Variants in DNAH11 observed in about 807,000 individuals in gnomAD.
DNAH11 encodes axonemal beta dynein heavy chain 11.
Under a neutral mutation model 526.0 loss-of-function variants are expected in DNAH11, and 442 were observed. The observed-to-expected ratio is 0.84, with a 90% CI of 0.78 to 0.91. The LOEUF (loss-of-function observed/expected upper bound fraction) is 0.91. Ranked by LOEUF, DNAH11 falls within the 40% of genes least tolerant of loss-of-function variation. DNAH11 has a pLI of 0.00. For missense variants in DNAH11, 6,989 were observed against 5,448.7 expected (o/e 1.28, Z -8.90); for synonymous variants, 2,461 against 1,935.9 (o/e 1.27, Z -7.12).
intron 45 of DNAH11, among the ~76,000 whole-genome samples, chr7:21,726,430 A>C (rs1449654721): frequency 6.6e-6 from 1 of 151,882 alleles, no homozygotes; most frequent in Non-Finnish European, 1.5e-5. Context: ...ACCGATATTC[A>C]AGTGAAGTGT....
At chr7:21,620,395 C>G (rs1029318009) in intron 25 of DNAH11, among the ~76,000 whole-genome samples, 1 of 152,058 alleles carries the variant, frequency 6.6e-6, no homozygotes, top group Non-Finnish European at 1.5e-5. Context: ...CCCCTCCCCC[C>G]GGCTCTGGTA....
intron 34 of DNAH11, 139 bp from the exon 35 acceptor site, chr7:21,690,626 T>C (rs1027661281): frequency 1.6e-6 from 1 of 610,202 alleles, no homozygotes. Context: ...AAAATATGTA[T>C]GGGCTTATGA....
chr7:21,766,608 T>C (rs1787196664), intron 55 of DNAH11, among the ~76,000 whole-genome samples: 1 of 152,128 alleles, frequency 6.6e-6, no homozygotes, highest in Admixed American at 6.5e-5. Flanking sequence ...GTATATTGTA[T>C]CATTCAGCGG....
rs1365069348 is a variant in DNAH11 at position 21,585,067 on chromosome 7, T to C, written c.1711-2997T>C. On this transcript the variant is annotated intron_variant, in intron 9 of 81. Coordinates refer to ENST00000409508, the MANE Select transcript of DNAH11 (RefSeq NM_001277115.2). ...ATAGTACCTGTCAGTTAATGTTTTT[T>C]CTAAACAATTTAATCTCTTAGGTAA... Among the ~76,000 whole-genome samples, 4 of 152,180 alleles carry C rather than the reference T, an allele frequency of 2.6e-5. No homozygotes were observed. In the East Asian group the frequency reaches 7.7e-4, roughly 29 times the overall value.
intron 75 of DNAH11, among the ~76,000 whole-genome samples, chr7:21,883,992 G>A (rs1490328645): frequency 6.6e-6 from 1 of 152,156 alleles, no homozygotes; most frequent in Non-Finnish European, 1.5e-5. Context: ...GCAATGAGCT[G>A]TGATTGTGCC....
chr7:21,720,245 CAA>C (rs1420997482), intron 43 of DNAH11, among the ~76,000 whole-genome samples: 1 of 152,180 alleles, frequency 6.6e-6, no homozygotes, highest in African/African-American at 2.4e-5. Context: ...GAATGTCCAA[CAA>C]GAAGGAAATA....
chr7:21,640,585 G>A (rs887040113), intron 28 of DNAH11, among the ~76,000 whole-genome samples: 3 of 151,964 alleles, frequency 2.0e-5, no homozygotes, highest in Non-Finnish European at 4.4e-5. Context: ...AATTCCATGG[G>A]ATAACAGTCA....
intron 30 of DNAH11, among the ~76,000 whole-genome samples, chr7:21,671,057 A>T (rs941348561): frequency 1.3e-5 from 2 of 152,248 alleles, no homozygotes; most frequent in African/African-American, 4.8e-5. Context: ...ATTTATATCT[A>T]TTTTGTGAAA....
At chr7:21,578,815 C>T (rs1583497783) in intron 8 of DNAH11, among the ~76,000 whole-genome samples, 1 of 152,210 alleles carries the variant, frequency 6.6e-6, no homozygotes, top group African/African-American at 2.4e-5. Context: ...TACCCAACGT[C>T]TCCACTGAGA....
At chr7:21,553,317 T>C (rs570013299) in intron 2 of DNAH11, among the ~76,000 whole-genome samples, 1 of 152,248 alleles carries the variant, frequency 6.6e-6, no homozygotes, top group Admixed American at 6.5e-5. Context: ...TTTAGGAACA[T>C]ATAAGAGTGA....
chr7:21,695,188 A>G (rs1783798291), intron 35 of DNAH11, among the ~76,000 whole-genome samples: 1 of 152,214 alleles, frequency 6.6e-6, no homozygotes, highest in Admixed American at 6.5e-5. Context: ...TCAAAGATTC[A>G]ATGCTATTCC....
chr7:21,818,027 A>G (rs534258420), intron 64 of DNAH11, among the ~76,000 whole-genome samples, 190 bp from the exon 65 acceptor site: 1 of 152,284 alleles, frequency 6.6e-6, no homozygotes, highest in South Asian at 2.1e-4. Flanking sequence ...TATGACTAAA[A>G]TGTATCTTAA....
In DNAH11 at chr7:21,861,965, C is replaced by G; in HGVS notation, c.11315C>G (p.Thr3772Ser). The G allele has an allele frequency of 6.2e-7, 1 of 1,613,764 alleles. No individual in the cohort carries two copies. The highest frequency in any genetic ancestry group is 1.7e-5 in the Admixed American group (1 of 60,002). ...ESITHAVFLY[T>S]SQALFEKDKL... ...ATCACCCATGCTGTCTTCCTCTACA[C>G]CAGCCAGGCGCTGTTTGAGAAGGAC... is the stretch of plus-strand genomic sequence containing the variant. The change falls in exon 69 of 82, where the codon ACC (threonine) becomes AGC (serine). Residue 3772 changes from threonine (T) to serine (S), a missense_variant. By Grantham distance (58) the Thr-to-Ser change is moderately conservative. Coordinates refer to ENST00000409508, the MANE Select transcript of DNAH11 (RefSeq NM_001277115.2).
At chr7:21,638,890 A>G (rs1373007828) in intron 27 of DNAH11, 49 bp from the exon 28 acceptor site, 1 of 1,557,522 alleles carries the variant, frequency 6.4e-7, no homozygotes. Context: ...CCGAAGTTTT[A>G]ATGACTGAAG....
intron 62 of DNAH11, among the ~76,000 whole-genome samples, chr7:21,805,374 C>G (rs1328459840): frequency 6.6e-6 from 1 of 152,028 alleles, no homozygotes; most frequent in African/African-American, 2.4e-5. Flanking sequence ...TGATCCCAAG[C>G]ATATAGAATA....
intron 30 of DNAH11, among the ~76,000 whole-genome samples, chr7:21,667,207 G>A (rs1782455578): frequency 6.6e-6 from 1 of 152,106 alleles, no homozygotes; most frequent in African/African-American, 2.4e-5. Context: ...ATTAGTGGAG[G>A]TGTTTGTCCC....
chr7:21,817,134 G>T (rs1471836087), intron 64 of DNAH11, among the ~76,000 whole-genome samples: 3 of 151,996 alleles, frequency 2.0e-5, no homozygotes, highest in Non-Finnish European at 4.4e-5. Context: ...TCCCAACATT[G>T]GGTGCCTGAA....
chr7:21,768,392 G>A (rs977795793), intron 55 of DNAH11, among the ~76,000 whole-genome samples: 1 of 152,192 alleles, frequency 6.6e-6, no homozygotes, highest in Admixed American at 6.5e-5. Context: ...AAGGTAAAAT[G>A]AATCATAGAC....
rs142432554 is a variant in DNAH11 at position 21,841,290 on chromosome 7, G to T, written c.10692-1254G>T. 8.0e-3 allele frequency among the ~76,000 whole-genome samples: 1,212 copies of T among 152,040 alleles called. 6 individuals are homozygous for T. Among genetic ancestry groups the T allele is most frequent in the African/African-American group, 0.015 (635 of 41,448 alleles). On this transcript the variant is annotated intron_variant, in intron 65 of 81. Coordinates refer to ENST00000409508, the MANE Select transcript of DNAH11 (RefSeq NM_001277115.2). ...ATAAGTATATTAAATACATACTTAAGATGCATTATACATATATATACAGAT... is the reference window on the plus strand; with the variant it reads ...ATAAGTATATTAAATACATACTTAATATGCATTATACATATATATACAGAT...
Sources: gnomAD v4.1 joint callset for allele counts (sites outside exome capture counted in the v4.1 genomes callset) on GRCh38, gnomAD v4.1.1 for gene constraint, MANE v1.5 for transcripts, NCBI Gene and HGNC (gene_info 2026-07-23, HGNC 2026-07-21) for gene names.